The following SLIT3 variants were observed in gnomAD, a reference collection of about 807,000 sequenced individuals.
The protein encoded by SLIT3 is slit guidance ligand 3.
Under a neutral mutation model 184.0 loss-of-function variants are expected in SLIT3, and 68 were observed. The observed-to-expected ratio is 0.37, with a 90% CI of 0.30 to 0.45. SLIT3 has a LOEUF of 0.45. Among genes scored for constraint, SLIT3 ranks in the 20% least tolerant of loss-of-function variants. The pLI is 1.00. For synonymous variants in SLIT3, 831 were observed against 828.6 expected (o/e 1.00, Z -0.05); for missense variants, 1,707 against 2,026.0 (o/e 0.84, Z 3.02).
intron 14 of SLIT3, among the ~76,000 whole-genome samples, chr5:168,764,439 G>A: frequency 6.6e-6 from 1 of 152,270 alleles, no homozygotes; most frequent in Non-Finnish European, 1.5e-5. Context: ...AACATGTTTT[G>A]CTGCAGACTT....
intron 3 of SLIT3, among the ~76,000 whole-genome samples, chr5:169,203,016 C>T (rs1296976373): frequency 3.3e-5 from 5 of 152,050 alleles, no homozygotes; most frequent in Admixed American, 3.3e-4. Flanking sequence ...TCAGGAGAAA[C>T]GAAGGGGGTG....
chr5:169,253,430 G>C (rs552882891), intron 1 of SLIT3, among the ~76,000 whole-genome samples: 1 of 152,140 alleles, frequency 6.6e-6, no homozygotes, highest in African/African-American at 2.4e-5. Context: ...GACTGTCCCC[G>C]GCACAGAGTT....
At chr5:168,972,336 C>CGTGTGTGT (rs1353519749) in intron 4 of SLIT3, among the ~76,000 whole-genome samples, 81 of 39,778 alleles carry the variant, frequency 2.0e-3, no homozygotes, top group Middle Eastern at 0.011. Context: ...TGCAGGACAA[C>CGTGTGTGT]ATGTGTGTGT....
At chr5:169,197,573 T>C (rs1052712949) in intron 3 of SLIT3, among the ~76,000 whole-genome samples, 4 of 152,160 alleles carry the variant, frequency 2.6e-5, no homozygotes, top group African/African-American at 9.7e-5. Flanking sequence ...CCATCTGCTG[T>C]TCTGTTACTC....
At chr5:168,844,828 C>T in intron 5 of SLIT3, 173 bp from the exon 6 acceptor site, 2 of 600,380 alleles carry the variant, frequency 3.3e-6, no homozygotes, top group South Asian at 2.0e-5. Context: ...TCCTCTCTGA[C>T]TGTCTGAGAG....
rs1581139434 is a variant in SLIT3, at chr5:169,285,846, T to A, written c.197+14667A>T. ...GCTGGGGATTCTAGCACCCAGGTATTCAAGTCTCTCCTGGTCATTCCAGAC... is the reference window on the plus strand; with the variant it reads ...GCTGGGGATTCTAGCACCCAGGTATACAAGTCTCTCCTGGTCATTCCAGAC... On this transcript the variant is annotated intron_variant, in intron 1 of 35. Transcript: ENST00000519560. 2.6e-5 allele frequency among the ~76,000 whole-genome samples: 4 copies of A among 152,220 alleles called. No homozygotes were observed. In the East Asian group the frequency reaches 7.7e-4, roughly 29 times the overall value.
At chr5:168,688,266 A>G (rs1022539315) in intron 29 of SLIT3, among the ~76,000 whole-genome samples, 1 of 152,210 alleles carries the variant, frequency 6.6e-6, no homozygotes, top group African/African-American at 2.4e-5. Context: ...TAATAGCCAC[A>G]ACCTATCCAA....
chr5:169,175,868 G>A (rs1762967404), intron 4 of SLIT3, among the ~76,000 whole-genome samples: 1 of 152,184 alleles, frequency 6.6e-6, no homozygotes, highest in Admixed American at 6.5e-5. Flanking sequence ...TGAGAGCCAT[G>A]ACTATGTCTC....
At chr5:169,012,790 T>G (rs900542188) in intron 4 of SLIT3, 2 of 152,150 alleles carry the variant, frequency 1.3e-5, no homozygotes, top group Admixed American at 6.5e-5. Context: ...AGAGCTTACA[T>G]GAAGAGGCAG....
chr5:168,736,337 G>C (rs1436444479), intron 20 of SLIT3, among the ~76,000 whole-genome samples: 2 of 152,206 alleles, frequency 1.3e-5, no homozygotes. Context: ...CTCTGGGCCA[G>C]AGCCTGTGCC....
intron 15 of SLIT3, 142 bp from the exon 16 acceptor site, chr5:168,761,078 A>G: frequency 1.5e-6 from 1 of 664,684 alleles, no homozygotes; most frequent in South Asian, 1.8e-5. Context: ...CATCAGTCCC[A>G]TCAACAGAGG....
chr5:168,772,318 AC>A (rs80183433), intron 14 of SLIT3: 6,057 of 178,770 alleles, frequency 0.034, 245 homozygotes, highest in East Asian at 0.2. Flanking sequence ...AAAGGGCTGT[AC>A]CATGGTCTGT....
chr5:168,801,704 C>T (rs1299007688), intron 9 of SLIT3, among the ~76,000 whole-genome samples: 1 of 152,010 alleles, frequency 6.6e-6, no homozygotes, highest in South Asian at 2.1e-4. Flanking sequence ...ATAATCAAAA[C>T]CTGCTGGAAG....
At chr5:169,117,989 T>C (rs1760747492) in intron 4 of SLIT3, among the ~76,000 whole-genome samples, 2 of 152,170 alleles carry the variant, frequency 1.3e-5, no homozygotes, top group African/African-American at 2.4e-5. Flanking sequence ...CATTCTATGA[T>C]GTGTGCCTTT....
intron 10 of SLIT3, among the ~76,000 whole-genome samples, chr5:168,794,016 A>G (rs1239061746): frequency 1.3e-5 from 2 of 152,214 alleles, no homozygotes; most frequent in African/African-American, 4.8e-5. Flanking sequence ...TTGGATTTCC[A>G]GGGAGATGGG....
At chr5:168,783,528 G>T (rs750363414) in intron 12 of SLIT3, among the ~76,000 whole-genome samples, 1 of 152,222 alleles carries the variant, frequency 6.6e-6, no homozygotes, top group Non-Finnish European at 1.5e-5. Flanking sequence ...GCCACTTCGT[G>T]TGGCAGAGGC....
At chr5:168,740,894 T>G (rs1763609254) in intron 20 of SLIT3, among the ~76,000 whole-genome samples, 1 of 152,228 alleles carries the variant, frequency 6.6e-6, no homozygotes, top group Non-Finnish European at 1.5e-5. Context: ...CTTTGACATG[T>G]GTCACTTGGC....
Position 168,712,292 on chromosome 5 carries a change from A to G in SLIT3, c.2546T>C (p.Leu849Pro). ...PEGSFNDLTSLSHLALGTNPL... is the reference protein window; with the variant it reads ...PEGSFNDLTSPSHLALGTNPL... ...AAACACTGCTACTTACAGATGGGAA[A>G]GAGATGTGAGGTCGTTGAAGGAGCC... Residue 849 changes from leucine (L) to proline (P), a missense_variant, in exon 24 of 36, where the codon CTT becomes CCT. Around this residue, in one of 3 missense-constraint regions of SLIT3, gnomAD observed 1,307 missense variants for 1,511.6 expected, o/e 0.86. Transcript: ENST00000519560. 6.2e-7 allele frequency: 1 copy of G among 1,613,202 alleles called. No homozygotes were observed.
chr5:169,150,201 C>A (rs951985587), intron 4 of SLIT3, among the ~76,000 whole-genome samples: 1 of 152,170 alleles, frequency 6.6e-6, no homozygotes, highest in East Asian at 1.9e-4. Flanking sequence ...TCTGAATCTG[C>A]TCCCCGCTCC....
Sources: allele counts gnomAD v4.1 joint callset (sites outside exome capture counted in the v4.1 genomes callset), GRCh38; gene constraint gnomAD v4.1.1; regional missense constraint gnomAD v4.1.1; transcripts MANE v1.5; gene names NCBI Gene and HGNC (gene_info 2026-07-23, HGNC 2026-07-21).